Variants in TIAM1 observed in about 807,000 individuals in gnomAD.
TIAM1 encodes the protein TIAM Rac1 associated GEF 1, also known as rho guanine nucleotide exchange factor TIAM1.
TIAM1 carries 65 observed loss-of-function variants against 163.5 expected under a neutral mutation model. The observed-to-expected ratio is 0.40, with a 90% CI of 0.33 to 0.49. The LOEUF (loss-of-function observed/expected upper bound fraction) is 0.49, where lower values mean the gene tolerates loss of function less well. Among genes scored for constraint, TIAM1 ranks in the 20% least tolerant of loss-of-function variants. The probability of loss-of-function intolerance (pLI) is 0.77; values close to 1 mark genes in which losing one functional copy is unlikely to be tolerated. For synonymous variants in TIAM1, 833 were observed against 810.1 expected, an observed-to-expected ratio of 1.03 and a Z score of -0.48; for missense variants, 1,789 against 2,044.7, an observed-to-expected ratio of 0.87 and a Z score of 2.41.
chr21:31,549,592 T>C (rs2048614128), intron 1 of TIAM1, among the ~76,000 whole-genome samples: 1 of 152,202 alleles, frequency 6.6e-6, no homozygotes, highest in Admixed American at 6.5e-5. Flanking sequence ...ATTGGAGAAA[T>C]GCATATCAAA....
At chr21:31,508,852 G>A (rs747791857) in intron 1 of TIAM1, among the ~76,000 whole-genome samples, 1 of 152,162 alleles carries the variant, frequency 6.6e-6, no homozygotes, top group Non-Finnish European at 1.5e-5. Context: ...CCACAGGGCA[G>A]TTCCTGATCA....
At chr21:31,194,323 G>A (rs1426876395) in intron 13 of TIAM1, among the ~76,000 whole-genome samples, 2 of 152,104 alleles carry the variant, frequency 1.3e-5, no homozygotes, top group Non-Finnish European at 2.9e-5. Context: ...GGTCTTCCTA[G>A]TGAATCAGCA....
At chr21:31,434,378 A>G (rs967267932) in intron 2 of TIAM1, among the ~76,000 whole-genome samples, 1 of 152,186 alleles carries the variant, frequency 6.6e-6, no homozygotes, top group Non-Finnish European at 1.5e-5. Context: ...GCCTTAGCAC[A>G]GGGAGAGGGA....
chr21:31,245,135 T>A (rs1257393685), intron 6 of TIAM1, among the ~76,000 whole-genome samples: 1 of 151,984 alleles, frequency 6.6e-6, no homozygotes, highest in East Asian at 1.9e-4. Context: ...AAATCATGTC[T>A]AAAAGAAGAA....
chr21:31,356,541 T>C (rs2076319980), intron 2 of TIAM1, among the ~76,000 whole-genome samples: 1 of 152,164 alleles, frequency 6.6e-6, no homozygotes, highest in South Asian at 2.1e-4. Flanking sequence ...CCCCCAGGAT[T>C]GGGATTAGTG....
Position 31,266,557 on chromosome 21 carries a change from GC to G in TIAM1, c.415del (p.Ala139LeufsTer50), listed in dbSNP as rs775728590. On this transcript the variant is annotated frameshift_variant, in exon 4 of 28. Transcript: ENST00000541036. LOFTEE classifies it high-confidence loss of function. Reference protein sequence around the residue: ...TEESRLYGDDATYLAEGGRRQ... With the variant: ...TEESRLYGDDXTYLAEGGRRQ... ...CCTGCCTCCCTCAGCCAAATATGTA[GC>G]GTCATCCCCGTAAAGCCTGCTCTCC... 1 of 1,614,154 alleles carries G rather than the reference GC, an allele frequency of 6.2e-7. No homozygotes were observed. The highest frequency in any genetic ancestry group is 8.5e-7 in the Non-Finnish European group (1 of 1,180,036).
intron 1 of TIAM1, among the ~76,000 whole-genome samples, chr21:31,519,233 A>C (rs1381741656): frequency 2.2e-5 from 3 of 138,142 alleles, no homozygotes; most frequent in Non-Finnish European, 4.6e-5. Flanking sequence ...TGAACCTGGG[A>C]GGCGGAGGTT....
At chr21:31,533,277 T>C (rs996548113) in intron 1 of TIAM1, among the ~76,000 whole-genome samples, 1 of 152,156 alleles carries the variant, frequency 6.6e-6, no homozygotes, top group South Asian at 2.1e-4. Context: ...GCTGAGATAG[T>C]ACCACTGCAC....
intron 20 of TIAM1, among the ~76,000 whole-genome samples, chr21:31,143,529 TATA>T (rs1450569875): frequency 6.6e-6 from 1 of 151,666 alleles, no homozygotes; most frequent in Non-Finnish European, 1.5e-5. Flanking sequence ...AGTTTAATGA[TATA>T]TATTTTTTAT....
At chr21:31,244,715 G>T (rs921269659) in intron 6 of TIAM1, among the ~76,000 whole-genome samples, 1 of 152,080 alleles carries the variant, frequency 6.6e-6, no homozygotes, top group Non-Finnish European at 1.5e-5. Flanking sequence ...GACAAAGCAA[G>T]GCTTCATCTC....
chr21:31,152,901 T>C, intron 18 of TIAM1, 140 bp from the exon 19 acceptor site: 2 of 1,333,036 alleles, frequency 1.5e-6, no homozygotes, highest in East Asian at 2.4e-5. Flanking sequence ...GGCAGTTTTT[T>C]ACTCTTCATG....
chr21:31,128,099 T>A (rs1319763898), intron 25 of TIAM1, among the ~76,000 whole-genome samples: 1 of 152,258 alleles, frequency 6.6e-6, no homozygotes, highest in African/African-American at 2.4e-5. Flanking sequence ...ACTGCAGACA[T>A]TCAGGCCATA....
At chr21:31,147,569 C>A (rs534024733) in intron 19 of TIAM1, among the ~76,000 whole-genome samples, 2 of 151,302 alleles carry the variant, frequency 1.3e-5, no homozygotes, top group African/African-American at 4.8e-5. Context: ...AGGATCACAA[C>A]TGGGTAGAGG....
chr21:31,251,724 G>T lies in TIAM1; in HGVS notation c.1411+18C>A. The T allele has an allele frequency of 1.3e-6, 2 of 1,558,968 alleles. No individual in the cohort carries two copies. Among genetic ancestry groups the T allele is most frequent in the South Asian group, 2.4e-5 (2 of 82,188 alleles). On this transcript the variant is annotated intron_variant, in intron 5 of 27. Transcript: ENST00000541036. ...TATTGGTGCATTTGGCACATAGCCG[G>T]GGCCCTCCCGCTCTCACCTTTCAGG...
intron 1 of TIAM1, among the ~76,000 whole-genome samples, chr21:31,555,340 GGA>G (rs1362743763): frequency 6.6e-6 from 1 of 151,922 alleles, no homozygotes; most frequent in Non-Finnish European, 1.5e-5. Flanking sequence ...AAAAACAAAA[GGA>G]GAGTTACCCT....
At chr21:31,466,285 A>ATAT (rs2045529082) in intron 1 of TIAM1, among the ~76,000 whole-genome samples, 1 of 152,146 alleles carries the variant, frequency 6.6e-6, no homozygotes, top group Non-Finnish European at 1.5e-5. Flanking sequence ...CTAAGAAGAG[A>ATAT]TATTAAAGTC....
chr21:31,498,540 T>C (rs1350721878), intron 1 of TIAM1, among the ~76,000 whole-genome samples: 1 of 152,224 alleles, frequency 6.6e-6, no homozygotes, highest in Non-Finnish European at 1.5e-5. Context: ...AAGGATTTGA[T>C]TGGGCACACC....
chr21:31,289,192 C>T (rs955599660), intron 2 of TIAM1, among the ~76,000 whole-genome samples: 4 of 152,084 alleles, frequency 2.6e-5, no homozygotes, highest in Non-Finnish European at 5.9e-5. Context: ...CAGGCAATGC[C>T]CTGGTTTATG....
chr21:31,558,748 G>C (rs921188124), intron 1 of TIAM1, among the ~76,000 whole-genome samples: 16 of 152,102 alleles, frequency 1.1e-4, no homozygotes, highest in Non-Finnish European at 1.9e-4. Flanking sequence ...GTGTGAACAC[G>C]AAAACAATAC....
Sources: gnomAD v4.1 joint callset for allele counts (sites outside exome capture counted in the v4.1 genomes callset) on GRCh38, gnomAD v4.1.1 for gene constraint, MANE v1.5 for transcripts, NCBI Gene and HGNC (gene_info 2026-07-23, HGNC 2026-07-21) for gene names.